The following P2RY10 variants were observed in gnomAD, a reference collection of about 807,000 sequenced individuals.
The protein encoded by P2RY10 is P2Y receptor family member 10.
A neutral mutation model predicts 12.1 loss-of-function variants in P2RY10; 4 were observed. That is an observed-to-expected ratio of 0.33 (90% CI 0.16 to 0.76). The LOEUF is 0.76. Ranked by LOEUF, P2RY10 falls within the 30% of genes least tolerant of loss-of-function variation. P2RY10 has a pLI of 0.61. For synonymous variants in P2RY10, 112 were observed against 94.1 expected, an observed-to-expected ratio of 1.19 and a Z score of -1.10; for missense variants, 233 against 264.6, an observed-to-expected ratio of 0.88 and a Z score of 0.83.
At chrX:78,949,425 C>T (rs1208929388) in intron 2 of P2RY10, among the ~76,000 whole-genome samples, 1 of 111,748 alleles carries the variant, frequency 8.9e-6, no homozygotes. Flanking sequence ...TCTAATTTTA[C>T]AAAAGAGGAA....
chrX:78,957,221 C>T (rs1288239813), intron 3 of P2RY10, among the ~76,000 whole-genome samples: 1 of 109,513 alleles, frequency 9.1e-6, no homozygotes, highest in Admixed American at 9.8e-5. Context: ...GAATGAATCA[C>T]CAATCCCACA....
At chrX:78,956,092 G>C (rs1233606541) in intron 3 of P2RY10, among the ~76,000 whole-genome samples, 1 of 112,042 alleles carries the variant, frequency 8.9e-6, no homozygotes, top group Non-Finnish European at 1.9e-5. Flanking sequence ...AAAAATAAAA[G>C]GTTGAGATAA....
At chrX:78,956,516 AAGG>A (rs1360207972) in intron 3 of P2RY10, among the ~76,000 whole-genome samples, 1 of 111,263 alleles carries the variant, frequency 9.0e-6, no homozygotes, top group Non-Finnish European at 1.9e-5. Context: ...GTGATGAAAA[AAGG>A]AGATCTTTTT....
At position 78,955,195 on chromosome X, in the gene P2RY10, C is replaced by A. The variant is rs747077764; in HGVS notation, c.-14+2860C>A. Among the ~76,000 whole-genome samples, 14 of 111,744 alleles carry A rather than the reference C, an allele frequency of 1.3e-4. No individual in the cohort carries two copies. The South Asian group carries it at 5.3e-3, about 42-fold the overall frequency. ...TGCCAACACTGAGGGATTCTCATCA[C>A]CTGTGCCATTCACTTCAATTGTTGC... On this transcript the variant is annotated intron_variant, in intron 3 of 3. Transcript: ENST00000171757.
chrX:78,954,001 A>G (rs1230588413), intron 3 of P2RY10, among the ~76,000 whole-genome samples: 5 of 111,176 alleles, frequency 4.5e-5, no homozygotes, highest in African/African-American at 1.6e-4. Context: ...AGTGGCTGGG[A>G]CCACATAGGC....
intron 2 of P2RY10, among the ~76,000 whole-genome samples, chrX:78,950,205 T>C (rs750183544): frequency 4.5e-5 from 5 of 111,287 alleles, no homozygotes; most frequent in South Asian, 7.6e-4. Context: ...TGAAGATTTA[T>C]GGAGTTGGTA....
At chrX:78,948,611 C>A (rs1383599926) in intron 2 of P2RY10, among the ~76,000 whole-genome samples, 1 of 111,485 alleles carries the variant, frequency 9.0e-6, no homozygotes, top group Non-Finnish European at 1.9e-5. Context: ...TTATGCCTAG[C>A]CTGTCTCACC....
At position 78,962,898 on chromosome X, in the gene P2RY10, T is replaced by C. The variant is rs1003155711; in HGVS notation, c.*1358T>C. Among the ~76,000 whole-genome samples the C allele has an allele frequency of 4.4e-5, 5 of 112,365 alleles. No individual in the cohort carries two copies. Among genetic ancestry groups the C allele is most frequent in the Non-Finnish European group, 9.4e-5 (5 of 53,270 alleles). On this transcript the variant is annotated 3_prime_UTR_variant, in exon 4 of 4. Coordinates refer to ENST00000171757, the MANE Select transcript of P2RY10 (RefSeq NM_014499.4). ...TAATATTGTAAACAAATTTGTTTTT[T>C]AGAAACTTTTAAGAAGATTTCTGTG...
intron 2 of P2RY10, among the ~76,000 whole-genome samples, chrX:78,949,619 G>A (rs1185108165): frequency 8.9e-6 from 1 of 112,139 alleles, no homozygotes. Flanking sequence ...ACATATTCCT[G>A]CATGAAAGTT....
At position 78,945,487 on chromosome X, in the gene P2RY10, A is replaced by G. The variant is rs1244779229; in HGVS notation, c.-214A>G. 9.0e-6 allele frequency: 1 copy of G among 111,727 alleles called. No homozygotes were observed. The highest frequency in any genetic ancestry group is 3.3e-5 in the African/African-American group (1 of 30,711). 9.2% of individuals were successfully genotyped at this position (111,727 alleles called of 1,213,427 possible). On this transcript the variant is annotated 5_prime_UTR_variant, in exon 1 of 4. Coordinates refer to ENST00000171757, the MANE Select transcript of P2RY10 (RefSeq NM_014499.4). ...GAAACAAGAGTGCTTATCCCAGCTA[A>G]GCTCCAGGGTAAGTTAATGCCTAGC... is the stretch of plus-strand genomic sequence containing the variant.
rs775738021 is a variant in P2RY10, at chrX:78,960,567, A to G, written c.47A>G (p.Asn16Ser). Residue 16 changes from asparagine to serine, a missense_variant, in exon 4 of 4, where the codon AAC becomes AGC. Transcript: ENST00000171757. ...ACTGAAACATTCAAGATGGGTAGCA[A>G]CAGTACCAGCACTGCTGAGATTTAC... ...KYTETFKMGS[N>S]STSTAEIYCN... The G allele has an allele frequency of 1.7e-6, 2 of 1,207,639 alleles. No individual in the cohort carries two copies. The highest frequency in any genetic ancestry group is 3.0e-5 in the East Asian group (1 of 33,748).
chrX:78,962,806 A>G lies in P2RY10; in HGVS notation c.*1266A>G, dbSNP rs933941839. On this transcript the variant is annotated 3_prime_UTR_variant, in exon 4 of 4. Transcript: ENST00000171757. ...AAAAAAAAACCCTGTGGAGTGATAA[A>G]CATTCTATAAAACCTGGAAATTTGT... Among the ~76,000 whole-genome samples the G allele has an allele frequency of 3.6e-5, 4 of 111,897 alleles. No individual in the cohort carries two copies. The highest frequency in any genetic ancestry group is 5.6e-5 in the Non-Finnish European group (3 of 53,156).
intron 2 of P2RY10, among the ~76,000 whole-genome samples, chrX:78,949,242 C>A (rs1321514889): frequency 1.8e-5 from 2 of 111,642 alleles, no homozygotes; most frequent in Non-Finnish European, 3.8e-5. Flanking sequence ...GATTATTTCT[C>A]TTTCTATTGC....
At chrX:78,946,938 G>C (rs1459730544) in intron 1 of P2RY10, among the ~76,000 whole-genome samples, 1 of 112,024 alleles carries the variant, frequency 8.9e-6, no homozygotes, top group Non-Finnish European at 1.9e-5. Context: ...CAGCCTGCTG[G>C]GCTTGGTGGC....
At chrX:78,946,292 G>T (rs760830743) in intron 1 of P2RY10, among the ~76,000 whole-genome samples, 2 of 111,802 alleles carry the variant, frequency 1.8e-5, no homozygotes, top group African/African-American at 3.3e-5. Flanking sequence ...AATTTTGACC[G>T]AAGTTCAGCC....
At chrX:78,946,324 G>A (rs2147261382) in intron 1 of P2RY10, among the ~76,000 whole-genome samples, 1 of 111,704 alleles carries the variant, frequency 9.0e-6, no homozygotes, top group Admixed American at 9.5e-5. Context: ...CAAAGCCCAT[G>A]AGTGAGGCAC....
intron 3 of P2RY10, 89 bp from the exon 4 acceptor site, chrX:78,960,419 G>C (rs1441532633): frequency 3.1e-6 from 2 of 653,521 alleles, no homozygotes; most frequent in Non-Finnish European, 2.3e-6. Flanking sequence ...CTAATAGTCT[G>C]TGCCTCTGTA....
At position 78,961,259 on chromosome X, in the gene P2RY10, A is replaced by G; in HGVS notation, c.739A>G (p.Met247Val). Residue 247 changes from methionine to valine, a missense_variant, in exon 4 of 4, where the codon ATG becomes GTG. Coordinates refer to ENST00000171757, the MANE Select transcript of P2RY10 (RefSeq NM_014499.4). ...ERQKALRMVF[M>V]CAAVFFICFT... The stretch of plus-strand genomic sequence containing the variant: ...GCAGAAAGCACTGCGGATGGTGTTC[A>G]TGTGTGCTGCAGTCTTCTTCATCTG... 3 of 1,210,529 alleles carry G rather than the reference A, an allele frequency of 2.5e-6. No homozygotes were observed. The highest frequency in any genetic ancestry group is 1.8e-5 in the South Asian group (1 of 56,954).
At chrX:78,954,474 C>A (rs1191276230) in intron 3 of P2RY10, among the ~76,000 whole-genome samples, 1 of 111,692 alleles carries the variant, frequency 9.0e-6, no homozygotes. Context: ...TCCCTGGAAA[C>A]CTTTCCGATC....
Sources: allele counts gnomAD v4.1 joint callset (sites outside exome capture counted in the v4.1 genomes callset), GRCh38; gene constraint gnomAD v4.1.1; transcripts MANE v1.5; gene names NCBI Gene and HGNC (gene_info 2026-07-23, HGNC 2026-07-21).